Variants in RO60 observed in about 807,000 individuals in gnomAD.
RO60 encodes Ro60, Y RNA binding protein.
Under a neutral mutation model 55.3 loss-of-function variants are expected in RO60, and 20 were observed. The observed-to-expected ratio is 0.36, with a 90% CI of 0.25 to 0.53. RO60 has a LOEUF of 0.53. Ranked by LOEUF, RO60 falls within the 20% of genes least tolerant of loss-of-function variation. RO60 has a pLI of 0.92. For missense variants in RO60, 558 were observed against 646.6 expected (o/e 0.86, Z 1.49); for synonymous variants, 213 against 213.6 (o/e 1.00, Z 0.02).
chr1:193,065,411 T>C (rs935052727), intron 1 of RO60, among the ~76,000 whole-genome samples: 1 of 152,226 alleles, frequency 6.6e-6, no homozygotes, highest in African/African-American at 2.4e-5. Flanking sequence ...AAAGCAAGTT[T>C]AGTAGAATTA....
At position 193,069,039 on chromosome 1, in the gene RO60, C is replaced by T. The variant is rs1276292923; in HGVS notation, c.-16C>T. 1 of 1,593,262 alleles carries T rather than the reference C, an allele frequency of 6.3e-7. No homozygotes were observed. The highest frequency in any genetic ancestry group is 8.6e-7 in the Non-Finnish European group (1 of 1,168,876). On this transcript the variant is annotated 5_prime_UTR_variant, in exon 2 of 9. Coordinates refer to ENST00000400968, the MANE Select transcript of RO60 (RefSeq NM_001173524.2). ...ACATTTTGCCTTTTTGTTAGGTTTCCTAAAGACAAAAAAAAATGGAGGAAT... is the reference window on the plus strand; with the variant it reads ...ACATTTTGCCTTTTTGTTAGGTTTCTTAAAGACAAAAAAAAATGGAGGAAT...
At chr1:193,061,024 T>G (rs897126585) in intron 1 of RO60, among the ~76,000 whole-genome samples, 1 of 152,202 alleles carries the variant, frequency 6.6e-6, no homozygotes, top group Non-Finnish European at 1.5e-5. Context: ...AAGACCAAAC[T>G]GAAAATTTAG....
chr1:193,085,064 A>T lies in RO60; in HGVS notation c.*333A>T. 6.6e-7 allele frequency: 1 copy of T among 1,509,038 alleles called. No individual in the cohort carries two copies. The highest frequency in any genetic ancestry group is 8.8e-7 in the Non-Finnish European group (1 of 1,133,866). The allele number at this position is 1,509,038 out of a possible 1,614,324, so 93.5% of individuals were successfully genotyped here. ...AGGTAAGAGCAAAAAGTGTAATTCC[A>T]CATCATGTTACTTGAGAAGTGCTTA... On this transcript the variant is annotated 3_prime_UTR_variant, in exon 9 of 9. Coordinates refer to ENST00000400968, the MANE Select transcript of RO60 (RefSeq NM_001173524.2).
chr1:193,062,184 C>G lies in RO60; in HGVS notation c.-22+2408C>G, dbSNP rs78626175. 2.8e-3 allele frequency among the ~76,000 whole-genome samples: 423 copies of G among 152,108 alleles called. 1 individual carries two copies. The highest frequency in any genetic ancestry group is 3.9e-3 in the Non-Finnish European group (266 of 67,994). On this transcript the variant is annotated intron_variant, in intron 1 of 8. Coordinates refer to ENST00000400968, the MANE Select transcript of RO60 (RefSeq NM_001173524.2). Reference sequence around the variant, plus strand: ...TCTGGATTTACAACACTTGATTATCCAGGAATGGATTAACTGATGACCAGG... The same window carrying G: ...TCTGGATTTACAACACTTGATTATCGAGGAATGGATTAACTGATGACCAGG...
Position 193,081,442 on chromosome 1 carries a change from A to G in RO60, c.1165A>G (p.Ile389Val). 1 of 1,611,166 alleles carries G rather than the reference A, an allele frequency of 6.2e-7. No individual in the cohort carries two copies. Among genetic ancestry groups the G allele is most frequent in the Non-Finnish European group, 8.5e-7 (1 of 1,178,268 alleles). The change falls in exon 6 of 9, where the codon ATA becomes GTA. Residue 389 changes from isoleucine (I) to valine (V), a missense_variant. Ile to Val is a conservative substitution (Grantham distance 29). Coordinates refer to ENST00000400968, the MANE Select transcript of RO60 (RefSeq NM_001173524.2). ...TATGAACCAAAGAGTTTTGGGTAGTATACTCAACGCTAGTACAGTTGCTGC... is the reference window on the plus strand; with the variant it reads ...TATGAACCAAAGAGTTTTGGGTAGTGTACTCAACGCTAGTACAGTTGCTGC... ...ASMNQRVLGS[I>V]LNASTVAAAM...
intron 1 of RO60, among the ~76,000 whole-genome samples, chr1:193,066,895 C>T (rs895642702): frequency 5.9e-5 from 9 of 152,138 alleles, no homozygotes; most frequent in Non-Finnish European, 1.2e-4. Context: ...CTTCCCTAAA[C>T]TTTATCAGTT....
rs761618067 is a variant in RO60 at position 193,084,613 on chromosome 1, G to C, written c.1499G>C (p.Gly500Ala). The C allele has an allele frequency of 1.2e-6, 2 of 1,613,268 alleles. No individual in the cohort carries two copies. The highest frequency in any genetic ancestry group is 4.5e-5 in the East Asian group (2 of 44,862). Residue 500 changes from glycine (G) to alanine (A), a missense_variant, in exon 9 of 9, where the codon GGA becomes GCA. Physicochemically the swap from Gly to Ala is moderately conservative, Grantham distance 60 (BLOSUM62 0). Coordinates refer to ENST00000400968, the MANE Select transcript of RO60 (RefSeq NM_001173524.2). ...ATTCCAGCTAAATTGATTGTTTGTG[G>C]AATGACATCAAATGGTTTCACCATT... ...MDIPAKLIVC[G>A]MTSNGFTIAD...
chr1:193,075,737 C>A, intron 2 of RO60, 83 bp from the exon 3 acceptor site: 2 of 995,048 alleles, frequency 2.0e-6, no homozygotes, highest in Non-Finnish European at 3.0e-6. Flanking sequence ...TTATGTTGAT[C>A]ATATAATGCA....
Position 193,076,610 on chromosome 1 carries a change from T to A in RO60, c.911T>A (p.Val304Glu). The part of the protein sequence containing the change: ...LEPGNSEVSL[V>E]CEKLCNEKLL... ...CCAGGAAATTCAGAAGTATCTTTAG[T>A]ATGTGAAAAACTGTGTAATGAAAAA... The change falls in exon 4 of 9, where the codon GTA becomes GAA. Residue 304 changes from valine to glutamate, a missense_variant. Transcript: ENST00000400968. 6.2e-7 allele frequency: 1 copy of A among 1,609,518 alleles called. No individual in the cohort carries two copies. Among genetic ancestry groups the A allele is most frequent in the Non-Finnish European group, 8.5e-7 (1 of 1,178,184 alleles).
chr1:193,081,456 T>C lies in RO60; in HGVS notation c.1179T>C (p.Ser393=), dbSNP rs367797767. 4.3e-6 allele frequency: 7 copies of C among 1,609,276 alleles called. No individual in the cohort carries two copies. Among genetic ancestry groups the C allele is most frequent in the Non-Finnish European group, 5.9e-6 (7 of 1,177,274 alleles). The part of the protein sequence containing the change: ...QRVLGSILNA[S]TVAAAMCMVV... ...TTTTGGGTAGTATACTCAACGCTAG[T>C]ACAGTTGCTGCAGCAATGTGCATGG... The change falls in exon 6 of 9, where the codon AGT becomes AGC. Residue 393 remains serine, a synonymous_variant. Transcript: ENST00000400968.
intron 1 of RO60, among the ~76,000 whole-genome samples, chr1:193,061,635 A>G (rs1176983366): frequency 6.6e-6 from 1 of 152,254 alleles, no homozygotes; most frequent in African/African-American, 2.4e-5. Flanking sequence ...ATTCTAAATT[A>G]AATTTAAAAG....
At chr1:193,064,882 C>T (rs1191082692) in intron 1 of RO60, among the ~76,000 whole-genome samples, 2 of 152,204 alleles carry the variant, frequency 1.3e-5, no homozygotes, top group African/African-American at 4.8e-5. Flanking sequence ...CATTTTGCTG[C>T]TTGCTCTAGA....
intron 5 of RO60, 141 bp downstream of exon 5, chr1:193,077,191 A>T: frequency 1.2e-6 from 1 of 806,426 alleles, no homozygotes; most frequent in Admixed American, 3.0e-5. Context: ...ATATGTGGTG[A>T]GTATATAATT....
intron 6 of RO60, 128 bp downstream of exon 6, chr1:193,081,608 A>G (rs968316217): frequency 1.9e-5 from 11 of 575,890 alleles, no homozygotes; most frequent in Non-Finnish European, 2.1e-5. Flanking sequence ...CACATTTTTA[A>G]TTTTATATTT....
Position 193,088,203 on chromosome 1 carries a change from C to T in RO60, c.*3472C>T, listed in dbSNP as rs531585624. ...TTTTTTTTTTTTTTTTAAGAGACAA[C>T]GTCTCACTGTGTTGCCCAGGCTGGT... On this transcript the variant is annotated 3_prime_UTR_variant, in exon 9 of 9. Coordinates refer to ENST00000400968, the MANE Select transcript of RO60 (RefSeq NM_001173524.2). 156 of 120,940 alleles carry T rather than the reference C, an allele frequency of 1.3e-3. 1 individual carries two copies. Among genetic ancestry groups the T allele is most frequent in the African/African-American group, 5.5e-3 (151 of 27,430 alleles). 7.5% of individuals were successfully genotyped at this position (120,940 alleles called of 1,614,324 possible).
Position 193,059,743 on chromosome 1 carries a change from G to T in RO60, c.-55G>T. On this transcript the variant is annotated 5_prime_UTR_variant, in exon 1 of 9. Transcript: ENST00000400968. The surrounding 1 kb of genome is among the most constrained non-coding windows in gnomAD (Gnocchi z 4.9). ...GCTGCGCAGGACTTCTCCTGGCGGC[G>T]CTGCGGATCCAGGGGGTCGGCTGCC... 7.4e-7 allele frequency: 1 copy of T among 1,354,816 alleles called. No individual in the cohort carries two copies. Among genetic ancestry groups the T allele is most frequent in the South Asian group, 1.2e-5 (1 of 86,112 alleles). The allele number at this position is 1,354,816 out of a possible 1,614,324, so 83.9% of individuals were successfully genotyped here. A position where few individuals can be genotyped will look rare whatever the true frequency, so the allele number is the denominator to read the frequency against.
rs1185979888 is a variant in RO60, at chr1:193,088,762, A to G, written c.*4031A>G. The G allele has an allele frequency of 6.6e-6, 1 of 152,180 alleles. No individual in the cohort carries two copies. The highest frequency in any genetic ancestry group is 1.5e-5 in the Non-Finnish European group (1 of 68,002). The allele number at this position is 152,180 out of a possible 1,614,324, so 9.4% of individuals were successfully genotyped here. Reference sequence around the variant, plus strand: ...AAGAAAGAATTTGTAAAAAAAAATGACAGGTTAATCAATGAAATTAGTTGT... The same window carrying G: ...AAGAAAGAATTTGTAAAAAAAAATGGCAGGTTAATCAATGAAATTAGTTGT... On this transcript the variant is annotated 3_prime_UTR_variant, in exon 9 of 9. Transcript: ENST00000400968.
Position 193,089,722 on chromosome 1 carries a change from AAAAG to A in RO60, c.*4993_*4996del, listed in dbSNP as rs1275963777. ...TACAAAAGCTAACCTTCTCATCCTAAAAAGATTTTTCCCTTTGCTTCTGTTTTAT... is the reference window on the plus strand; with the variant it reads ...TACAAAAGCTAACCTTCTCATCCTAAATTTTTCCCTTTGCTTCTGTTTTAT... On this transcript the variant is annotated 3_prime_UTR_variant, in exon 9 of 9. Coordinates refer to ENST00000400968, the MANE Select transcript of RO60 (RefSeq NM_001173524.2). 1.3e-5 allele frequency: 2 copies of A among 152,072 alleles called. No homozygotes were observed. The highest frequency in any genetic ancestry group is 2.9e-5 in the Non-Finnish European group (2 of 67,982). The allele number at this position is 152,072 out of a possible 1,614,324, so 9.4% of individuals were successfully genotyped here.
In RO60 at chr1:193,059,907, G is replaced by A. The variant is rs1452532951; in HGVS notation, c.-22+131G>A. Reference sequence around the variant, plus strand: ...GCTGGGCAAACGCCGCGAAACTATCGCTCTTCCCCGTCCCGCTTCCGCGCC... The same window carrying A: ...GCTGGGCAAACGCCGCGAAACTATCACTCTTCCCCGTCCCGCTTCCGCGCC... On this transcript the variant is annotated intron_variant, in intron 1 of 8. Transcript: ENST00000400968. The surrounding 1 kb of genome is among the most constrained non-coding windows in gnomAD (Gnocchi z 4.9). 1 of 1,365,824 alleles carries A rather than the reference G, an allele frequency of 7.3e-7. No individual in the cohort carries two copies. The allele number at this position is 1,365,824 out of a possible 1,614,324, so 84.6% of individuals were successfully genotyped here.
Sources: allele counts gnomAD v4.1 joint callset (sites outside exome capture counted in the v4.1 genomes callset), GRCh38; gene constraint gnomAD v4.1.1; non-coding constraint Gnocchi (gnomAD v3.1); transcripts MANE v1.5; gene names NCBI Gene and HGNC (gene_info 2026-07-23, HGNC 2026-07-21).